SHISAL1: variants seen among roughly 807,000 people sequenced by gnomAD.
SHISAL1 encodes shisa like 1, also known as protein shisa-like-1.
A neutral mutation model predicts 22.6 loss-of-function variants in SHISAL1; 9 were observed. The observed-to-expected ratio is 0.40, with a 90% CI of 0.24 to 0.70. The LOEUF (loss-of-function observed/expected upper bound fraction) is 0.70. Among genes scored for constraint, SHISAL1 ranks in the 30% least tolerant of loss-of-function variants. The probability of loss-of-function intolerance (pLI) is 0.39; values close to 1 mark genes in which losing one functional copy is unlikely to be tolerated. For missense variants in SHISAL1, 246 were observed against 270.6 expected, an observed-to-expected ratio of 0.91 and a Z score of 0.64; for synonymous variants, 119 against 115.4, an observed-to-expected ratio of 1.03 and a Z score of -0.20.
chr22:44,246,744 G>A lies in SHISAL1; in HGVS notation c.*2941C>T, dbSNP rs1381520974. ...TCCTCTGTGAGACAGCAAGTACCGT[G>A]ACTAACTGGTACCCTACCTCACACA... is the stretch of plus-strand genomic sequence containing the variant. On this transcript the variant is annotated 3_prime_UTR_variant, in exon 5 of 5. Coordinates refer to ENST00000381176, the MANE Select transcript of SHISAL1 (RefSeq NM_001099294.2). The A allele has an allele frequency of 2.6e-5, 4 of 152,244 alleles. No individual in the cohort carries two copies. 9.4% of individuals were successfully genotyped at this position (152,244 alleles called of 1,614,324 possible). A position where few individuals can be genotyped will look rare whatever the true frequency, so the allele number is the denominator to read the frequency against.
intron 1 of SHISAL1, among the ~76,000 whole-genome samples, chr22:44,303,317 G>A (rs757575407): frequency 1.4e-4 from 21 of 152,086 alleles, no homozygotes; most frequent in South Asian, 4.1e-4. Context: ...GAAGGTTGAC[G>A]CTGTTTGGAA....
chr22:44,308,772 G>A (rs936227993), intron 1 of SHISAL1, among the ~76,000 whole-genome samples: 5 of 150,974 alleles, frequency 3.3e-5, no homozygotes, highest in East Asian at 2.0e-4. Flanking sequence ...ATGGGCTGCC[G>A]AGGGTGGCAG....
intron 4 of SHISAL1, among the ~76,000 whole-genome samples, chr22:44,253,213 G>C (rs1184166094): frequency 1.3e-5 from 2 of 152,036 alleles, no homozygotes; most frequent in African/African-American, 2.4e-5. Context: ...AGATAAATCA[G>C]GGGTCATAAT....
At position 44,300,920 on chromosome 22, in the gene SHISAL1, A is replaced by C. The variant is rs771968064; in HGVS notation, c.26T>G (p.Leu9Trp). 5.6e-6 allele frequency: 9 copies of C among 1,614,080 alleles called. No homozygotes were observed. In the Admixed American group the frequency reaches 1.5e-4, roughly 27 times the overall value. MTSCGQQSLNVLAVLFSLL... is the reference protein window; with the variant it reads MTSCGQQSWNVLAVLFSLL... ...TGAGAAGAGGACGGCGAGCACGTTC[A>C]AGGACTGCTGGCCACAACTGGTCAT... The change falls in exon 2 of 5, where the codon TTG (leucine) becomes TGG (tryptophan). Residue 9 changes from leucine (L) to tryptophan (W), a missense_variant. Leu to Trp is a moderately conservative substitution (Grantham distance 61). This residue lies in a region of SHISAL1 where 110 missense variants were observed against 153.1 expected (regional missense o/e 0.72). Transcript: ENST00000381176.
chr22:44,327,293 C>T, the SHISAL1 span, among the ~76,000 whole-genome samples: 1 of 151,518 alleles, frequency 6.6e-6, no homozygotes, highest in Non-Finnish European at 1.5e-5. Flanking sequence ...TGCGCGTACA[C>T]CAGAGACCCT....
chr22:44,300,614 G>C (rs904771343), intron 2 of SHISAL1, among the ~76,000 whole-genome samples: 1 of 152,062 alleles, frequency 6.6e-6, no homozygotes, highest in Admixed American at 6.5e-5. Flanking sequence ...GGCTTCTCCC[G>C]AGGGTCCTGG....
At chr22:44,252,838 C>CA (rs1018110963) in intron 4 of SHISAL1, among the ~76,000 whole-genome samples, 7 of 150,718 alleles carry the variant, frequency 4.6e-5, no homozygotes, top group Admixed American at 3.3e-4. Context: ...ACTAAAAATA[C>CA]AAAAAAATTA....
chr22:44,268,250 C>T (rs1180142672), intron 4 of SHISAL1, among the ~76,000 whole-genome samples: 4 of 152,192 alleles, frequency 2.6e-5, no homozygotes, highest in Non-Finnish European at 5.9e-5. Context: ...GAGATGCTGT[C>T]CTTTTCATCG....
chr22:44,304,646 T>G (rs902588928), intron 1 of SHISAL1, among the ~76,000 whole-genome samples: 3 of 152,166 alleles, frequency 2.0e-5, no homozygotes, highest in Non-Finnish European at 2.9e-5. Flanking sequence ...CTTCTGGCCC[T>G]CCTGGGAGGA....
chr22:44,277,391 T>G (rs942160545), intron 4 of SHISAL1, among the ~76,000 whole-genome samples: 1 of 152,180 alleles, frequency 6.6e-6, no homozygotes, highest in African/African-American at 2.4e-5. Flanking sequence ...ACCTGGGATT[T>G]GAACCCAGTT....
upstream of SHISAL1, among the ~76,000 whole-genome samples, chr22:44,313,162 C>T (rs750736483): frequency 5.3e-5 from 8 of 152,282 alleles, no homozygotes; most frequent in South Asian, 1.0e-3. Flanking sequence ...ACTAGAGACA[C>T]TCCCTGTGAG....
intron 4 of SHISAL1, among the ~76,000 whole-genome samples, chr22:44,283,328 G>C (rs1261946528): frequency 6.6e-6 from 1 of 152,270 alleles, no homozygotes; most frequent in Admixed American, 6.5e-5. Context: ...ACCTGGACCT[G>C]GAGCTCAGCT....
chr22:44,306,323 T>C (rs989280752), intron 1 of SHISAL1, among the ~76,000 whole-genome samples: 1 of 109,412 alleles, frequency 9.1e-6, no homozygotes, highest in Non-Finnish European at 2.2e-5. Flanking sequence ...GACGATGGCA[T>C]GTGTGGAGGG....
At chr22:44,288,408 C>G (rs8136536) in intron 3 of SHISAL1, among the ~76,000 whole-genome samples, 38,135 of 151,880 alleles carry the variant, frequency 0.25, 5,386 homozygotes, top group East Asian at 0.55. Context: ...AGGCCGAGGC[C>G]GGTGGATCAC....
At chr22:44,326,387 C>T in the SHISAL1 span, among the ~76,000 whole-genome samples, 27 of 152,274 alleles carry the variant, frequency 1.8e-4, no homozygotes, top group South Asian at 6.2e-4. Flanking sequence ...CTCTCCTCCG[C>T]GGCAGAGCCG....
chr22:44,322,109 T>C, the SHISAL1 span, among the ~76,000 whole-genome samples: 42 of 152,320 alleles, frequency 2.8e-4, no homozygotes, highest in East Asian at 7.9e-3. Flanking sequence ...CAGGTCCAAA[T>C]CCTGGCTTTG....
chr22:44,248,624 G>C lies in SHISAL1; in HGVS notation c.*1061C>G, dbSNP rs1358582641. Reference sequence around the variant, plus strand: ...GTCTGTGTCTCCCACCAGATGGGAGGCTCCCCGGGGGCAGAGATGAGATCT... The same window carrying C: ...GTCTGTGTCTCCCACCAGATGGGAGCCTCCCCGGGGGCAGAGATGAGATCT... On this transcript the variant is annotated 3_prime_UTR_variant, in exon 5 of 5. Coordinates refer to ENST00000381176, the MANE Select transcript of SHISAL1 (RefSeq NM_001099294.2). The C allele has an allele frequency of 6.6e-6, 1 of 152,134 alleles. No individual in the cohort carries two copies. The highest frequency in any genetic ancestry group is 1.5e-5 in the Non-Finnish European group (1 of 68,034). 9.4% of individuals were successfully genotyped at this position (152,134 alleles called of 1,614,324 possible). A position where few individuals can be genotyped will look rare whatever the true frequency, so the allele number is the denominator to read the frequency against.
rs201812933 is a variant in SHISAL1, at chr22:44,296,732, G to A, written c.221C>T (p.Thr74Met). 323 of 1,614,022 alleles carry A rather than the reference G, an allele frequency of 2.0e-4. No homozygotes were observed. Among genetic ancestry groups the A allele is most frequent in the Non-Finnish European group, 2.5e-4 (290 of 1,180,048 alleles). The stretch of plus-strand genomic sequence containing the variant: ...CGCCTGCATCACCGCCTGGAACTCC[G>A]TCTCGTTGCAGCAGTATTTGAAGAC... ...NTVFKYCCNE[T>M]EFQAVMQANL... is the part of the protein sequence containing the mutation. The change falls in exon 3 of 5, where the codon ACG (threonine) becomes ATG (methionine). Residue 74 changes from threonine (T) to methionine (M), a missense_variant. Coordinates refer to ENST00000381176, the MANE Select transcript of SHISAL1 (RefSeq NM_001099294.2).
intron 1 of SHISAL1, among the ~76,000 whole-genome samples, chr22:44,305,453 G>A (rs12159683): frequency 2.6e-5 from 4 of 152,248 alleles, no homozygotes; most frequent in Admixed American, 1.3e-4. Flanking sequence ...CAGAGCTGGA[G>A]AGGCCTTTAT....
Sources: gnomAD v4.1 joint callset for allele counts (sites outside exome capture counted in the v4.1 genomes callset) on GRCh38, gnomAD v4.1.1 for gene constraint, gnomAD v4.1.1 regional missense constraint, MANE v1.5 for transcripts, NCBI Gene and HGNC (gene_info 2026-07-23, HGNC 2026-07-21) for gene names.